The following C15orf40 variants were observed in gnomAD, a reference collection of about 807,000 sequenced individuals.
C15orf40 encodes UPF0235 protein C15orf40.
C15orf40 carries 9 observed loss-of-function variants against 13.9 expected under a neutral mutation model. The ratio of observed to expected loss-of-function variants is 0.65; its 90% CI spans 0.39 to 1.13. C15orf40 has a LOEUF of 1.13. Ranked by LOEUF, C15orf40 falls within the 50% of genes most tolerant of loss-of-function variation. C15orf40 has a pLI of 0.01. For missense variants in C15orf40, 225 were observed against 188.5 expected (o/e 1.19, Z -1.13); for synonymous variants, 95 against 69.2 (o/e 1.37, Z -1.85).
At chr15:82,990,663 A>G (rs186257867), downstream of C15orf40, 173 of 1,530,842 alleles carry the variant, frequency 1.1e-4, no homozygotes, top group African/African-American at 2.0e-3. Flanking sequence ...AAGCTGTAAA[A>G]TAAGGAAGGA....
In C15orf40 at chr15:82,996,652, TTAAAATAAAATAAAATAA is replaced by T. The variant is rs1181877434; in HGVS notation, c.*8927_*8944del. On this transcript the variant is annotated 3_prime_UTR_variant, in exon 4 of 4. Coordinates refer to ENST00000304177, the MANE Select transcript of C15orf40 (RefSeq NM_144597.3). Reference sequence around the variant, plus strand: ...AGTGAGACTCCGTCTCAAAATAAAATTAAAATAAAATAAAATAATAAAATAAAATAAAAAATATAAAAA... The same window carrying T: ...AGTGAGACTCCGTCTCAAAATAAAATTAAAATAAAATAAAAAATATAAAAA... The T allele has an allele frequency of 6.9e-5, 10 of 145,510 alleles. No homozygotes were observed. The highest frequency in any genetic ancestry group is 1.2e-4 in the Non-Finnish European group (8 of 65,884). The allele number at this position is 145,510 out of a possible 1,614,324, so 9.0% of individuals were successfully genotyped here. A position where few individuals can be genotyped will look rare whatever the true frequency, so the allele number is the denominator to read the frequency against.
rs997454474 is a variant in C15orf40 at position 83,011,596 on chromosome 15, G to C, written c.12C>G (p.Leu4=). 4 of 1,585,534 alleles carry C rather than the reference G, an allele frequency of 2.5e-6. No homozygotes were observed. Among genetic ancestry groups the C allele is most frequent in the Non-Finnish European group, 2.6e-6 (3 of 1,170,398 alleles). ...CCCGAAGGTGCCTCAGCCCGCTGCG[G>C]AGCCGCAGCATCCCCGCCTGGGAAG... MLR[L]RSGLRHLRAT... The change falls in exon 1 of 4, where the codon CTC becomes CTG. Residue 4 remains leucine, a synonymous_variant. Transcript: ENST00000304177.
rs1330105078 is a variant in C15orf40, at chr15:82,999,493, G to A, written c.*6104C>T. 6.6e-6 allele frequency: 1 copy of A among 152,182 alleles called. No individual in the cohort carries two copies. The highest frequency in any genetic ancestry group is 1.5e-5 in the Non-Finnish European group (1 of 68,066). The allele number at this position is 152,182 out of a possible 1,614,324, so 9.4% of individuals were successfully genotyped here. On this transcript the variant is annotated 3_prime_UTR_variant, in exon 4 of 4. Coordinates refer to ENST00000304177, the MANE Select transcript of C15orf40 (RefSeq NM_144597.3). ...TTACAAGCGTGAGCCAACATGGCCA[G>A]CCTTACCTTTTACTTTTAAATTATG...
Position 83,001,568 on chromosome 15 carries a change from G to A in C15orf40, c.*4029C>T, listed in dbSNP as rs2031418760. On this transcript the variant is annotated 3_prime_UTR_variant, in exon 4 of 4. Coordinates refer to ENST00000304177, the MANE Select transcript of C15orf40 (RefSeq NM_144597.3). Reference sequence around the variant, plus strand: ...GTACTCACTTGAAATTAATGGGAGTGAGCAAAGCTAGAACCATGTCATTAG... The same window carrying A: ...GTACTCACTTGAAATTAATGGGAGTAAGCAAAGCTAGAACCATGTCATTAG... The A allele has an allele frequency of 6.6e-6, 1 of 152,436 alleles. No homozygotes were observed. Among genetic ancestry groups the A allele is most frequent in the African/African-American group, 2.4e-5 (1 of 41,470 alleles). 9.4% of individuals were successfully genotyped at this position (152,436 alleles called of 1,614,324 possible). A position where few individuals can be genotyped will look rare whatever the true frequency, so the allele number is the denominator to read the frequency against.
chr15:83,007,517 A>C (rs1486402535), intron 3 of C15orf40, among the ~76,000 whole-genome samples: 1 of 152,210 alleles, frequency 6.6e-6, no homozygotes, highest in Non-Finnish European at 1.5e-5. Context: ...GTAAATATAA[A>C]AGTTATAAAC....
In C15orf40 at chr15:83,005,170, C is replaced by T. The variant is rs531823263; in HGVS notation, c.*427G>A. On this transcript the variant is annotated 3_prime_UTR_variant, in exon 4 of 4. Transcript: ENST00000304177. The stretch of plus-strand genomic sequence containing the variant: ...AATTTCTACTTTTTGGAGTCTTATT[C>T]GAATATATACATATATATATGTCCC... 107 of 1,051,820 alleles carry T rather than the reference C, an allele frequency of 1.0e-4. No homozygotes were observed. Among genetic ancestry groups the T allele is most frequent in the Non-Finnish European group, 2.0e-5 (17 of 866,596 alleles). The allele number at this position is 1,051,820 out of a possible 1,614,324, so 65.2% of individuals were successfully genotyped here.
chr15:83,010,596 C>G (rs2151293832), intron 1 of C15orf40: 1 of 470,240 alleles, frequency 2.1e-6, no homozygotes, highest in East Asian at 3.7e-5. Context: ...GCAAGAAAAC[C>G]TAACTCTGGC....
rs548089471 is a variant in C15orf40, at chr15:83,005,772, A to G, written c.367-80T>C. ...AGAGATAGCAGACCTCCGTTGTATA[A>G]TGGGCTCTCCTGATGGCTTTCTCTT... On this transcript the variant is annotated intron_variant, in intron 3 of 3. Transcript: ENST00000304177. 4 of 1,495,874 alleles carry G rather than the reference A, an allele frequency of 2.7e-6. No homozygotes were observed. The East Asian group carries it at 9.9e-5, about 37-fold the overall frequency. 92.7% of individuals were successfully genotyped at this position (1,495,874 alleles called of 1,614,324 possible).
At position 83,001,331 on chromosome 15, in the gene C15orf40, TAA is replaced by T. The variant is rs1183145065; in HGVS notation, c.*4264_*4265del. 2.0e-6 allele frequency: 2 copies of T among 977,552 alleles called. No homozygotes were observed. The highest frequency in any genetic ancestry group is 3.5e-5 in the African/African-American group (2 of 57,102). The allele number at this position is 977,552 out of a possible 1,614,324, so 60.6% of individuals were successfully genotyped here. On this transcript the variant is annotated 3_prime_UTR_variant, in exon 4 of 4. Transcript: ENST00000304177. ...TCTGTCAAGTAAGCAACCAAGTTAA[TAA>T]GTGATTAATACATCATGTTTGCACA...
chr15:83,009,115 C>T (rs1567095080), intron 2 of C15orf40, among the ~76,000 whole-genome samples: 2 of 151,986 alleles, frequency 1.3e-5, no homozygotes, highest in Admixed American at 1.3e-4. Flanking sequence ...ATGAGAGCCC[C>T]GGACTAGGTT....
chr15:82,997,339 G>C lies in C15orf40; in HGVS notation c.*8258C>G, dbSNP rs2031144284. ...AAGGTCTCTGGTTTTCCTAGGCAGA[G>C]GACCCTGCGGCCTTCCGCAGTGTTT... On this transcript the variant is annotated 3_prime_UTR_variant, in exon 4 of 4. Coordinates refer to ENST00000304177, the MANE Select transcript of C15orf40 (RefSeq NM_144597.3). The C allele has an allele frequency of 1.4e-5, 2 of 147,116 alleles. No individual in the cohort carries two copies. The highest frequency in any genetic ancestry group is 2.6e-5 in the African/African-American group (1 of 39,038). The allele number at this position is 147,116 out of a possible 1,614,324, so 9.1% of individuals were successfully genotyped here.
At chr15:83,009,938 C>T (rs1241794596) in intron 2 of C15orf40, among the ~76,000 whole-genome samples, 2 of 152,164 alleles carry the variant, frequency 1.3e-5, no homozygotes, top group Non-Finnish European at 2.9e-5. Flanking sequence ...AGTTTTGGAA[C>T]AGGACAAACT....
chr15:82,991,787 C>T, downstream of C15orf40: 1 of 927,772 alleles, frequency 1.1e-6, no homozygotes, highest in Non-Finnish European at 1.5e-6. Flanking sequence ...TTCCCTGTAA[C>T]CTCCCTAATT....
rs1320039244 is a variant in C15orf40, at chr15:82,996,969, G to C, written c.*8628C>G. 1 of 150,196 alleles carries C rather than the reference G, an allele frequency of 6.7e-6. No homozygotes were observed. The highest frequency in any genetic ancestry group is 2.4e-5 in the African/African-American group (1 of 41,138). The allele number at this position is 150,196 out of a possible 1,614,324, so 9.3% of individuals were successfully genotyped here. ...GGAGGCGGAGGTTGCAGTGAGCCAA[G>C]ATTGAACCACTGCACTCCAGCCTAG... On this transcript the variant is annotated 3_prime_UTR_variant, in exon 4 of 4. Coordinates refer to ENST00000304177, the MANE Select transcript of C15orf40 (RefSeq NM_144597.3).
Position 83,000,376 on chromosome 15 carries a change from T to C in C15orf40, c.*5221A>G, listed in dbSNP as rs902837023. ...ACTCAAGACCATGCTGACTCCACCA[T>C]GGCAATGGGCTGAGACTCTCACGAA... On this transcript the variant is annotated 3_prime_UTR_variant, in exon 4 of 4. Transcript: ENST00000304177. 3 of 152,256 alleles carry C rather than the reference T, an allele frequency of 2.0e-5. No homozygotes were observed. Among genetic ancestry groups the C allele is most frequent in the African/African-American group, 2.4e-5 (1 of 41,420 alleles). 9.4% of individuals were successfully genotyped at this position (152,256 alleles called of 1,614,324 possible). A position where few individuals can be genotyped will look rare whatever the true frequency, so the allele number is the denominator to read the frequency against.
At chr15:83,011,216 T>TA (rs1434271228) in intron 1 of C15orf40, 1 of 349,956 alleles carries the variant, frequency 2.9e-6, no homozygotes, top group African/African-American at 2.1e-5. Flanking sequence ...GGAGTGCGGG[T>TA]AGGAGGCCAA....
chr15:83,004,591 A>G lies in C15orf40; in HGVS notation c.*1006T>C. The stretch of plus-strand genomic sequence containing the variant: ...TTTGGAGATTCATAAAAACTACTGA[A>G]TTTGCTGATTATTTAAGTTATTAGA... On this transcript the variant is annotated 3_prime_UTR_variant, in exon 4 of 4. Coordinates refer to ENST00000304177, the MANE Select transcript of C15orf40 (RefSeq NM_144597.3). The G allele has an allele frequency of 1.1e-6, 1 of 895,184 alleles. No homozygotes were observed. Among genetic ancestry groups the G allele is most frequent in the Non-Finnish European group, 1.3e-6 (1 of 747,236 alleles). The allele number at this position is 895,184 out of a possible 1,614,324, so 55.5% of individuals were successfully genotyped here.
At chr15:82,990,840 A>G (rs1440668751), downstream of C15orf40, 1 of 508,472 alleles carries the variant, frequency 2.0e-6, no homozygotes, top group African/African-American at 1.9e-5. Context: ...ATAATGCTGC[A>G]TTTTGATGGT....
downstream of C15orf40, chr15:82,989,921 T>G (rs200751289): frequency 7.9e-5 from 128 of 1,612,478 alleles, no homozygotes; most frequent in Middle Eastern, 1.2e-3. Flanking sequence ...GGACAACAGA[T>G]GGGGGTGGCC....
Sources: gnomAD v4.1 joint callset for allele counts (sites outside exome capture counted in the v4.1 genomes callset) on GRCh38, gnomAD v4.1.1 for gene constraint, MANE v1.5 for transcripts, NCBI Gene and HGNC (gene_info 2026-07-23, HGNC 2026-07-21) for gene names.